Variants in CASZ1 observed in about 807,000 individuals in gnomAD.
CASZ1 encodes zinc finger protein castor homolog 1.
Under a neutral mutation model 135.2 loss-of-function variants are expected in CASZ1, and 28 were observed. That is an observed-to-expected ratio of 0.21 (90% confidence interval 0.15 to 0.28). The LOEUF (loss-of-function observed/expected upper bound fraction) is 0.28, where lower values mean the gene tolerates loss of function less well. Ranked by LOEUF, CASZ1 falls within the 10% of genes least tolerant of loss-of-function variation. The probability of loss-of-function intolerance (pLI) is 1.00; values close to 1 mark genes in which losing one functional copy is unlikely to be tolerated. For missense variants in CASZ1, 2,161 were observed against 2,453.3 expected (o/e 0.88, Z 2.52); for synonymous variants, 1,068 against 1,073.4 (o/e 0.99, Z 0.10).
chr1:10,784,277 A>G (rs1459161745), intron 1 of CASZ1, among the ~76,000 whole-genome samples: 2 of 152,056 alleles, frequency 1.3e-5, no homozygotes, highest in Non-Finnish European at 2.9e-5. Context: ...TCACTGTCCC[A>G]TGGGGGGGTC....
rs1280434796 is a variant in CASZ1 at position 10,794,192 on chromosome 1, T to C, written c.-234+2372A>G. On this transcript the variant is annotated intron_variant, in intron 1 of 20. Transcript: ENST00000377022. The surrounding 1 kb of genome is among the most constrained non-coding windows in gnomAD (Gnocchi z 5.6). ...ATGTGTATGCGTGTGTGTGTGTGTG[T>C]GTGTGTGCGCGCGCGCGCGCGTCGT... Among the ~76,000 whole-genome samples, 1 of 147,400 alleles carries C rather than the reference T, an allele frequency of 6.8e-6. No individual in the cohort carries two copies. Among genetic ancestry groups the C allele is most frequent in the Non-Finnish European group, 1.5e-5 (1 of 67,842 alleles).
chr1:10,674,335 G>A (rs1247856968), intron 4 of CASZ1, among the ~76,000 whole-genome samples: 9 of 152,230 alleles, frequency 5.9e-5, no homozygotes, highest in African/African-American at 1.7e-4. Flanking sequence ...AGGCAAAGAG[G>A]AACCTGAGAG....
At chr1:10,737,004 G>C (rs1010338734) in intron 2 of CASZ1, among the ~76,000 whole-genome samples, 2 of 152,198 alleles carry the variant, frequency 1.3e-5, no homozygotes, top group Non-Finnish European at 2.9e-5. Context: ...CTGCAGAGAG[G>C]GGGAGAAGGA....
Position 10,647,772 on chromosome 1 carries a change from C to T in CASZ1, c.3497+29G>A, listed in dbSNP as rs780356189. 1.1e-5 allele frequency: 17 copies of T among 1,612,064 alleles called. No individual in the cohort carries two copies. Among genetic ancestry groups the T allele is most frequent in the South Asian group, 2.2e-5 (2 of 91,064 alleles). On this transcript the variant is annotated intron_variant, in intron 16 of 20. Coordinates refer to ENST00000377022, the MANE Select transcript of CASZ1 (RefSeq NM_001079843.3). This position sits in a 1 kb window ranked among gnomAD's most constrained non-coding sequence, Gnocchi z 4.9. ...CTACTCCCGAGACGCGAGGGGAACGCGGGACTCCCGGCTCATCGAGGGACT... is the reference window on the plus strand; with the variant it reads ...CTACTCCCGAGACGCGAGGGGAACGTGGGACTCCCGGCTCATCGAGGGACT...
At chr1:10,683,995 G>A (rs982479455) in intron 4 of CASZ1, among the ~76,000 whole-genome samples, 8 of 152,174 alleles carry the variant, frequency 5.3e-5, no homozygotes, top group Non-Finnish European at 1.0e-4. Context: ...GCTCAGGGGC[G>A]CCCCGCACCA....
Position 10,639,095 on chromosome 1 carries a change from GTCC to G in CASZ1, c.5124_5126del (p.Glu1708del), listed in dbSNP as rs1642099119. ...CGGTGCGCAGGTCCTCGTCGTCGTC[GTCC>G]TCGTCGTCGTCCTCGTCGTCGTCGT... is the stretch of plus-strand genomic sequence containing the variant. On this transcript the variant is annotated inframe_deletion, in exon 21 of 21. Transcript: ENST00000377022. The surrounding 1 kb of genome is among the most constrained non-coding windows in gnomAD (Gnocchi z 4.0). 1 of 1,135,348 alleles carries G rather than the reference GTCC, an allele frequency of 8.8e-7. No homozygotes were observed. 70.3% of individuals were successfully genotyped at this position (1,135,348 alleles called of 1,614,324 possible).
In CASZ1 at chr1:10,654,608, G is replaced by T. The variant is rs1301325490; in HGVS notation, c.1666-17C>A. The stretch of plus-strand genomic sequence containing the variant: ...ACAGCCCACCTGCACAGGACGGGAT[G>T]GTGGTCAGGCGAACGGAGGCCAGGT... On this transcript the variant is annotated splice_polypyrimidine_tract_variant and intron_variant, in intron 9 of 20. Transcript: ENST00000377022. 1.2e-6 allele frequency: 2 copies of T among 1,610,018 alleles called. No homozygotes were observed. The highest frequency in any genetic ancestry group is 1.7e-6 in the Non-Finnish European group (2 of 1,176,982).
chr1:10,705,143 T>C (rs1016498607), intron 3 of CASZ1, among the ~76,000 whole-genome samples: 1 of 152,292 alleles, frequency 6.6e-6, no homozygotes, highest in East Asian at 1.9e-4. Context: ...ACGGAGGCAA[T>C]AGCACTGTGA....
chr1:10,660,613 AC>A, intron 5 of CASZ1, 77 bp from the exon 6 acceptor site: 1 of 1,255,252 alleles, frequency 8.0e-7, no homozygotes, highest in Non-Finnish European at 1.1e-6. Flanking sequence ...GGGGGCCCCC[AC>A]CCATAGAGGG....
chr1:10,696,573 C>T (rs562455927), intron 3 of CASZ1, among the ~76,000 whole-genome samples: 12 of 152,340 alleles, frequency 7.9e-5, no homozygotes, highest in Admixed American at 2.6e-4. Flanking sequence ...AGCAAGGCAT[C>T]GTAACAAAAG....
intron 2 of CASZ1, among the ~76,000 whole-genome samples, chr1:10,732,182 A>G (rs1415154541): frequency 6.6e-6 from 1 of 151,796 alleles, no homozygotes; most frequent in East Asian, 1.9e-4. Context: ...AAAATTAGCC[A>G]GGTGTGGTGG....
Position 10,755,201 on chromosome 1 carries a change from G to A in CASZ1, c.-77+5500C>T, listed in dbSNP as rs1385267955. On this transcript the variant is annotated intron_variant, in intron 2 of 20. Coordinates refer to ENST00000377022, the MANE Select transcript of CASZ1 (RefSeq NM_001079843.3). This position sits in a 1 kb window ranked among gnomAD's most constrained non-coding sequence, Gnocchi z 4.3. The stretch of plus-strand genomic sequence containing the variant: ...GGATCACTGGCCGCCTCATGCCTCA[G>A]GGTGGTGGCTCTGGGCCTAAGGGCC... Among the ~76,000 whole-genome samples, 1 of 152,232 alleles carries A rather than the reference G, an allele frequency of 6.6e-6. No individual in the cohort carries two copies. Among genetic ancestry groups the A allele is most frequent in the Admixed American group, 6.5e-5 (1 of 15,290 alleles).
intron 1 of CASZ1, among the ~76,000 whole-genome samples, chr1:10,775,072 C>T (rs1431175509): frequency 1.6e-4 from 25 of 152,022 alleles, no homozygotes; most frequent in Admixed American, 1.1e-3. Context: ...CCATTTCCCC[C>T]GCACCAGGCA....
chr1:10,643,092 G>A, intron 19 of CASZ1, 68 bp downstream of exon 19: 1 of 1,595,998 alleles, frequency 6.3e-7, no homozygotes, highest in Admixed American at 1.7e-5. Flanking sequence ...ACAGGCCTGA[G>A]AGTGAGCGTG....
chr1:10,709,322 C>T lies in CASZ1; in HGVS notation c.-76-3778G>A, dbSNP rs904957855. On this transcript the variant is annotated intron_variant, in intron 2 of 20. Coordinates refer to ENST00000377022, the MANE Select transcript of CASZ1 (RefSeq NM_001079843.3). This position sits in a 1 kb window ranked among gnomAD's most constrained non-coding sequence, Gnocchi z 5.1. ...CCCCCTGCCCCCAGCCCCATCCTCA[C>T]GCACAGCCTCTCCCTGGCCAGCCCT... 2.6e-5 allele frequency among the ~76,000 whole-genome samples: 4 copies of T among 152,174 alleles called. No homozygotes were observed. Among genetic ancestry groups the T allele is most frequent in the Non-Finnish European group, 5.9e-5 (4 of 68,034 alleles).
Position 10,794,837 on chromosome 1 carries a change from G to T in CASZ1, c.-234+1727C>A, listed in dbSNP as rs982909930. Among the ~76,000 whole-genome samples the T allele has an allele frequency of 4.0e-5, 6 of 151,878 alleles. No homozygotes were observed. The highest frequency in any genetic ancestry group is 1.4e-4 in the African/African-American group (6 of 41,416). On this transcript the variant is annotated intron_variant, in intron 1 of 20. Coordinates refer to ENST00000377022, the MANE Select transcript of CASZ1 (RefSeq NM_001079843.3). The surrounding 1 kb of genome is among the most constrained non-coding windows in gnomAD (Gnocchi z 5.6). ...TTCCCTTCGCGGAGGAGCTTCCAGC[G>T]CCGGGGACAGACATTCGCCCAAACG...
At chr1:10,714,401 G>A (rs2100464797) in intron 2 of CASZ1, among the ~76,000 whole-genome samples, 1 of 152,384 alleles carries the variant, frequency 6.6e-6, no homozygotes, top group South Asian at 2.1e-4. Context: ...CAGCTAGGAT[G>A]AGGCACAGAA....
chr1:10,687,373 T>G (rs1339604434), intron 4 of CASZ1, among the ~76,000 whole-genome samples: 1 of 152,186 alleles, frequency 6.6e-6, no homozygotes, highest in Non-Finnish European at 1.5e-5. Context: ...AGGAAGGGTG[T>G]CAGCAGGTGA....
chr1:10,761,762 C>T (rs1640379544), intron 1 of CASZ1, among the ~76,000 whole-genome samples: 1 of 152,220 alleles, frequency 6.6e-6, no homozygotes, highest in Non-Finnish European at 1.5e-5. Flanking sequence ...AACACAAACA[C>T]ACAACCCGAT....
Sources: gnomAD v4.1 joint callset for allele counts (sites outside exome capture counted in the v4.1 genomes callset) on GRCh38, gnomAD v4.1.1 for gene constraint, Gnocchi (gnomAD v3.1) non-coding constraint, MANE v1.5 for transcripts, NCBI Gene and HGNC (gene_info 2026-07-23, HGNC 2026-07-21) for gene names.